Variants in WNT9A observed in about 807,000 individuals in gnomAD.
The protein encoded by WNT9A is Wnt family member 9A, also known as protein Wnt-9a.
Under a neutral mutation model 31.4 loss-of-function variants are expected in WNT9A, and 8 were observed. The observed-to-expected ratio is 0.26, with a 90% confidence interval of 0.15 to 0.46. WNT9A has a LOEUF of 0.46. Among genes scored for constraint, WNT9A ranks in the 20% least tolerant of loss-of-function variants. The pLI is 0.99. For synonymous variants in WNT9A, 236 were observed against 220.1 expected, an observed-to-expected ratio of 1.07 and a Z score of -0.64; for missense variants, 457 against 522.9, an observed-to-expected ratio of 0.87 and a Z score of 1.23.
At position 227,925,590 on chromosome 1, in the gene WNT9A, G is replaced by A. The variant is rs1666408698; in HGVS notation, c.96-71C>T. 1.4e-6 allele frequency: 2 copies of A among 1,444,396 alleles called. No homozygotes were observed. The highest frequency in any genetic ancestry group is 1.4e-5 in the South Asian group (1 of 69,440). 89.5% of individuals were successfully genotyped at this position (1,444,396 alleles called of 1,614,324 possible). The stretch of plus-strand genomic sequence containing the variant: ...CTGGAGCCTGGCCAGGTGTCTCGGT[G>A]GCCAGGGTACAGGGGACAGGCGTGT... On this transcript the variant is annotated intron_variant, in intron 1 of 3. Coordinates refer to ENST00000272164, the MANE Select transcript of WNT9A (RefSeq NM_003395.4). The surrounding 1 kb of genome is among the most constrained non-coding windows in gnomAD (Gnocchi z 6.0).
rs1180322016 is a variant in WNT9A, at chr1:227,947,846, G to A, written c.42C>T (p.Ala14=). The change falls in exon 1 of 4, where the codon GCC becomes GCT. Residue 14 remains alanine, a synonymous_variant. Coordinates refer to ENST00000272164, the MANE Select transcript of WNT9A (RefSeq NM_003395.4). ...CGGCGAGCAGCAGCGTCAGCCCGAAGGCCGCGGCCAGCCAGCGCGCCAGCG... is the reference window on the plus strand; with the variant it reads ...CGGCGAGCAGCAGCGTCAGCCCGAAAGCCGCGGCCAGCCAGCGCGCCAGCG... The part of the protein sequence containing the change: ...GSPLARWLAA[A]FGLTLLLAAL... 3 of 1,089,590 alleles carry A rather than the reference G, an allele frequency of 2.8e-6. No homozygotes were observed. The highest frequency in any genetic ancestry group is 3.4e-5 in the African/African-American group (2 of 59,368). The allele number at this position is 1,089,590 out of a possible 1,614,324, so 67.5% of individuals were successfully genotyped here.
At chr1:227,927,892 G>A (rs1227350705) in intron 1 of WNT9A, among the ~76,000 whole-genome samples, 1 of 151,984 alleles carries the variant, frequency 6.6e-6, no homozygotes, top group East Asian at 1.9e-4. Context: ...AGGGGAGAGG[G>A]AGGGCACTAA....
intron 1 of WNT9A, among the ~76,000 whole-genome samples, chr1:227,947,311 C>T (rs879703729): frequency 3.9e-5 from 6 of 152,202 alleles, no homozygotes; most frequent in African/African-American, 9.6e-5. Flanking sequence ...CTCTTTCTCT[C>T]TCTCTCTCCG....
chr1:227,940,882 G>A (rs145941904), intron 1 of WNT9A, among the ~76,000 whole-genome samples: 66 of 152,324 alleles, frequency 4.3e-4, no homozygotes, highest in African/African-American at 1.4e-3. Context: ...TCACGGGGCC[G>A]GGGCGGCCCA....
Position 227,925,503 on chromosome 1 carries a change from G to T in WNT9A, c.112C>A (p.Pro38Thr). Residue 38 changes from proline to threonine, a missense_variant, in exon 2 of 4, where the codon CCC becomes ACC. Coordinates refer to ENST00000272164, the MANE Select transcript of WNT9A (RefSeq NM_003395.4). This position sits in a 1 kb window ranked among gnomAD's most constrained non-coding sequence, Gnocchi z 6.0. Reference sequence around the variant, plus strand: ...AGGGTCAGCGGGAGGATGGTCAGGGGCTCGCTGCCCGTCAGCCTGGGCACA... The same window carrying T: ...AGGGTCAGCGGGAGGATGGTCAGGGTCTCGCTGCCCGTCAGCCTGGGCACA... ...AAYFGLTGSE[P>T]LTILPLTLEP... 6.4e-7 allele frequency: 1 copy of T among 1,554,856 alleles called. No homozygotes were observed. Among genetic ancestry groups the T allele is most frequent in the Non-Finnish European group, 8.7e-7 (1 of 1,154,490 alleles).
chr1:227,923,432 G>T (rs1199651859), intron 3 of WNT9A, among the ~76,000 whole-genome samples: 1 of 152,198 alleles, frequency 6.6e-6, no homozygotes, highest in Non-Finnish European at 1.5e-5. Context: ...GACTCCCCCA[G>T]ACATGTGGAC....
intron 1 of WNT9A, among the ~76,000 whole-genome samples, chr1:227,930,898 G>A (rs569625923): frequency 4.0e-5 from 6 of 151,886 alleles, no homozygotes; most frequent in South Asian, 2.1e-4. Flanking sequence ...GCATACGCCT[G>A]TAATCCCAGC....
rs1228144570 is a variant in WNT9A, at chr1:227,920,057, A to C, written c.*1461T>G. On this transcript the variant is annotated 3_prime_UTR_variant, in exon 4 of 4. Coordinates refer to ENST00000272164, the MANE Select transcript of WNT9A (RefSeq NM_003395.4). ...TCATGACATGACATGAACCAATCAA[A>C]GGGCTGCCCTGCCCCCTCACCATGC... 1 of 152,332 alleles carries C rather than the reference A, an allele frequency of 6.6e-6. No individual in the cohort carries two copies. The highest frequency in any genetic ancestry group is 1.5e-5 in the Non-Finnish European group (1 of 68,114). 9.4% of individuals were successfully genotyped at this position (152,332 alleles called of 1,614,324 possible).
At chr1:227,932,075 C>T (rs1233333464) in intron 1 of WNT9A, among the ~76,000 whole-genome samples, 1 of 152,186 alleles carries the variant, frequency 6.6e-6, no homozygotes, top group Admixed American at 6.5e-5. Flanking sequence ...TGGACTCTCC[C>T]TTTCATGAAA....
At chr1:227,939,875 G>C (rs911294804) in intron 1 of WNT9A, among the ~76,000 whole-genome samples, 2 of 152,202 alleles carry the variant, frequency 1.3e-5, no homozygotes, top group South Asian at 4.1e-4. Flanking sequence ...CCTCCCCGTG[G>C]TCTGCAAATC....
Position 227,921,353 on chromosome 1 carries a change from G to A in WNT9A, c.*165C>T. 8.7e-7 allele frequency: 1 copy of A among 1,146,298 alleles called. No homozygotes were observed. The highest frequency in any genetic ancestry group is 1.2e-6 in the Non-Finnish European group (1 of 825,444). 71.0% of individuals were successfully genotyped at this position (1,146,298 alleles called of 1,614,324 possible). On this transcript the variant is annotated 3_prime_UTR_variant, in exon 4 of 4. Coordinates refer to ENST00000272164, the MANE Select transcript of WNT9A (RefSeq NM_003395.4). ...CCCACGCTGCTAGGTCTGAGCCCAG[G>A]GACTCAGCCCATGCAGGTGTAGACC...
At chr1:227,937,465 G>A (rs1367921635) in intron 1 of WNT9A, among the ~76,000 whole-genome samples, 1 of 152,274 alleles carries the variant, frequency 6.6e-6, no homozygotes, top group African/African-American at 2.4e-5. Flanking sequence ...GGGGCCTTAT[G>A]TGGAATAAGA....
Position 227,925,186 on chromosome 1 carries a change from G to A in WNT9A, c.352+77C>T. 7.0e-7 allele frequency: 1 copy of A among 1,433,468 alleles called. No homozygotes were observed. Among genetic ancestry groups the A allele is most frequent in the Non-Finnish European group, 9.1e-7 (1 of 1,093,728 alleles). 88.8% of individuals were successfully genotyped at this position (1,433,468 alleles called of 1,614,324 possible). On this transcript the variant is annotated intron_variant, in intron 2 of 3. Transcript: ENST00000272164. The surrounding 1 kb of genome is among the most constrained non-coding windows in gnomAD (Gnocchi z 6.0). ...GTCCCCAGGAGCGCAGCCTAAGAGG[G>A]GCCTCTTGGGATATGGACAAGGCCT... is the stretch of plus-strand genomic sequence containing the variant.
At chr1:227,933,126 C>T (rs761885013) in intron 1 of WNT9A, among the ~76,000 whole-genome samples, 4 of 152,212 alleles carry the variant, frequency 2.6e-5, no homozygotes, top group Non-Finnish European at 5.9e-5. Flanking sequence ...GTTTCATTTC[C>T]GCTGAAGATC....
rs910190009 is a variant in WNT9A at position 227,919,949 on chromosome 1, C to T, written c.*1569G>A. The T allele has an allele frequency of 3.9e-5, 6 of 152,406 alleles. No homozygotes were observed. The highest frequency in any genetic ancestry group is 1.2e-4 in the African/African-American group (5 of 41,464). 9.4% of individuals were successfully genotyped at this position (152,406 alleles called of 1,614,324 possible). On this transcript the variant is annotated 3_prime_UTR_variant, in exon 4 of 4. Coordinates refer to ENST00000272164, the MANE Select transcript of WNT9A (RefSeq NM_003395.4). ...CAGCAGGGCCATAAAGCATGGCGTT[C>T]CATGGCCAGATGCGAGCCCAAGACT...
rs377053859 is a variant in WNT9A, at chr1:227,925,161, G to A, written c.352+102C>T. On this transcript the variant is annotated intron_variant, in intron 2 of 3. Coordinates refer to ENST00000272164, the MANE Select transcript of WNT9A (RefSeq NM_003395.4). The surrounding 1 kb of genome is among the most constrained non-coding windows in gnomAD (Gnocchi z 6.0). Reference sequence around the variant, plus strand: ...GAGCTCTGGGCAGGCTGGGCCCGGCGTCCCCAGGAGCGCAGCCTAAGAGGG... The same window carrying A: ...GAGCTCTGGGCAGGCTGGGCCCGGCATCCCCAGGAGCGCAGCCTAAGAGGG... 1.4e-4 allele frequency: 197 copies of A among 1,411,888 alleles called. No individual in the cohort carries two copies. Among genetic ancestry groups the A allele is most frequent in the African/African-American group, 8.5e-4 (58 of 68,342 alleles). The allele number at this position is 1,411,888 out of a possible 1,614,324, so 87.5% of individuals were successfully genotyped here.
At chr1:227,933,946 T>C (rs951950920) in intron 1 of WNT9A, among the ~76,000 whole-genome samples, 8 of 152,240 alleles carry the variant, frequency 5.3e-5, no homozygotes, top group African/African-American at 1.7e-4. Context: ...TCACGCAGCA[T>C]TGACCTTTTG....
rs2102720181 is a variant in WNT9A at position 227,926,885 on chromosome 1, C to T, written c.96-1366G>A. Among the ~76,000 whole-genome samples the T allele has an allele frequency of 2.0e-5, 3 of 152,206 alleles. No homozygotes were observed. The Middle Eastern group carries it at 0.01, about 518-fold the overall frequency. On this transcript the variant is annotated intron_variant, in intron 1 of 3. Transcript: ENST00000272164. The surrounding 1 kb of genome is among the most constrained non-coding windows in gnomAD (Gnocchi z 5.0). Reference sequence around the variant, plus strand: ...GGGAGGGGCCCAAGAGGCTCCCTAGCATACCCCATCAAAGGCAAGGCCACA... The same window carrying T: ...GGGAGGGGCCCAAGAGGCTCCCTAGTATACCCCATCAAAGGCAAGGCCACA...
At chr1:227,938,194 T>C (rs760235510) in intron 1 of WNT9A, among the ~76,000 whole-genome samples, 17 of 151,610 alleles carry the variant, frequency 1.1e-4, no homozygotes, top group Non-Finnish European at 2.2e-4. Context: ...AAGTTAAATA[T>C]ACACACACAC....
Sources: gnomAD v4.1 joint callset for allele counts (sites outside exome capture counted in the v4.1 genomes callset) on GRCh38, gnomAD v4.1.1 for gene constraint, Gnocchi (gnomAD v3.1) non-coding constraint, MANE v1.5 for transcripts, NCBI Gene and HGNC (gene_info 2026-07-23, HGNC 2026-07-21) for gene names.